The following RPA3 variants were observed in gnomAD, a reference collection of about 807,000 sequenced individuals.
RPA3 encodes replication protein A 14 kDa subunit.
In RPA3, 24 loss-of-function variants were observed where a neutral mutation model predicts 13.7. The observed-to-expected ratio is 1.75, with a 90% CI of 1.27 to 2.46. RPA3 has a LOEUF of 2.46. Ranked by LOEUF, RPA3 falls within the 30% of genes most tolerant of loss-of-function variation. The pLI is 0.00. For missense variants in RPA3, 183 were observed against 151.0 expected, an observed-to-expected ratio of 1.21 and a Z score of -1.11; for synonymous variants, 59 against 51.2, an observed-to-expected ratio of 1.15 and a Z score of -0.65.
intron 4 of RPA3, among the ~76,000 whole-genome samples, chr7:7,663,462 A>G (rs1292817199): frequency 6.6e-6 from 1 of 152,142 alleles, no homozygotes; most frequent in African/African-American, 2.4e-5. Flanking sequence ...CCTCTTCCCC[A>G]TTACACCAAT....
chr7:7,688,249 C>T lies in RPA3; in HGVS notation c.-1027-921G>A, dbSNP rs28912725. Among the ~76,000 whole-genome samples, 678 of 152,164 alleles carry T rather than the reference C, an allele frequency of 4.5e-3. 6 individuals carry two copies. Among genetic ancestry groups the T allele is most frequent in the African/African-American group, 0.016 (652 of 41,516 alleles). The stretch of plus-strand genomic sequence containing the variant: ...TGCTTTGGTTTACTAGCTCCTTGGG[C>T]TGTGATTTCTTAGGATATTTTTATC... On this transcript the variant is annotated intron_variant, in intron 2 of 7. Coordinates refer to ENST00000223129, the MANE Select transcript of RPA3 (RefSeq NM_002947.5).
At chr7:7,653,844 A>C (rs763297699) in intron 4 of RPA3, among the ~76,000 whole-genome samples, 11 of 152,194 alleles carry the variant, frequency 7.2e-5, no homozygotes, top group Non-Finnish European at 4.4e-5. Flanking sequence ...GGGGGATAGG[A>C]AGGCACTTAG....
At chr7:7,646,027 G>T (rs1785086085) in intron 4 of RPA3, among the ~76,000 whole-genome samples, 1 of 152,176 alleles carries the variant, frequency 6.6e-6, no homozygotes, top group Non-Finnish European at 1.5e-5. Flanking sequence ...GTGAGCAGGT[G>T]CAGGAGTTGG....
chr7:7,663,863 T>G (rs1338664197), intron 4 of RPA3, among the ~76,000 whole-genome samples: 1 of 152,192 alleles, frequency 6.6e-6, no homozygotes, highest in Non-Finnish European at 1.5e-5. Flanking sequence ...TCCTACAGAT[T>G]TATAAAATAG....
At chr7:7,707,005 T>C (rs1255136664) in intron 2 of RPA3, among the ~76,000 whole-genome samples, 1 of 152,180 alleles carries the variant, frequency 6.6e-6, no homozygotes, top group Non-Finnish European at 1.5e-5. Context: ...TCAAAACATT[T>C]TTAGTCAGTC....
intron 4 of RPA3, among the ~76,000 whole-genome samples, chr7:7,662,593 C>G (rs571402967): frequency 1.5e-4 from 23 of 152,280 alleles, no homozygotes; most frequent in African/African-American, 5.3e-4. Context: ...CTTATGCCTC[C>G]TGGGTGAGGC....
intron 4 of RPA3, chr7:7,673,195 A>G (rs1779649712): frequency 2.7e-6 from 2 of 745,808 alleles, no homozygotes; most frequent in African/African-American, 1.7e-5. Flanking sequence ...ACATGTGGCC[A>G]TAGAATTCCT....
At chr7:7,661,156 A>G (rs1395371343) in intron 4 of RPA3, among the ~76,000 whole-genome samples, 1 of 152,082 alleles carries the variant, frequency 6.6e-6, no homozygotes, top group Non-Finnish European at 1.5e-5. Flanking sequence ...TGTGTTTTTC[A>G]GCTCCAGCAG....
intron 1 of RPA3, among the ~76,000 whole-genome samples, chr7:7,718,283 C>T (rs1379477985): frequency 1.3e-5 from 2 of 152,140 alleles, no homozygotes. Flanking sequence ...TTTATTTTAA[C>T]CATAAAACTA....
At chr7:7,707,788 A>G (rs774738562) in intron 2 of RPA3, among the ~76,000 whole-genome samples, 8 of 152,216 alleles carry the variant, frequency 5.3e-5, no homozygotes, top group Admixed American at 3.3e-4. Context: ...CAGAAATGTC[A>G]TTAACTTGAA....
chr7:7,643,513 C>A (rs1277156986), intron 4 of RPA3, among the ~76,000 whole-genome samples: 1 of 152,180 alleles, frequency 6.6e-6, no homozygotes, highest in African/African-American at 2.4e-5. Context: ...AAGTTCAAGA[C>A]CACCCTGGTC....
chr7:7,637,613 T>C lies in RPA3; in HGVS notation c.283+251A>G, dbSNP rs894531947. 1.7e-4 allele frequency among the ~76,000 whole-genome samples: 26 copies of C among 151,208 alleles called. No homozygotes were observed. In the East Asian group the frequency reaches 1.7e-3, roughly 10 times the overall value. On this transcript the variant is annotated intron_variant, in intron 7 of 7. Coordinates refer to ENST00000223129, the MANE Select transcript of RPA3 (RefSeq NM_002947.5). Reference sequence around the variant, plus strand: ...TATGTTTATGTTATGTAATTGTATGTAATACATACAATTTTGTATGTAATA... The same window carrying C: ...TATGTTTATGTTATGTAATTGTATGCAATACATACAATTTTGTATGTAATA...
chr7:7,712,659 T>C (rs951643397), intron 2 of RPA3, among the ~76,000 whole-genome samples: 5 of 152,212 alleles, frequency 3.3e-5, no homozygotes, highest in African/African-American at 1.2e-4. Flanking sequence ...ATCCTTGTGG[T>C]TTCATTTTAT....
At chr7:7,667,972 G>A (rs1247743909) in intron 4 of RPA3, among the ~76,000 whole-genome samples, 1 of 152,092 alleles carries the variant, frequency 6.6e-6, no homozygotes, top group Non-Finnish European at 1.5e-5. Context: ...CTGTCACCCA[G>A]GCTGCAGTGC....
chr7:7,710,468 G>C (rs1780726876), intron 2 of RPA3, among the ~76,000 whole-genome samples: 1 of 152,170 alleles, frequency 6.6e-6, no homozygotes, highest in African/African-American at 2.4e-5. Context: ...ACATGAATAA[G>C]TGTCATTAGC....
chr7:7,668,959 C>T (rs1779537590), intron 4 of RPA3, among the ~76,000 whole-genome samples: 1 of 152,110 alleles, frequency 6.6e-6, no homozygotes, highest in African/African-American at 2.4e-5. Context: ...CATGCCAGTC[C>T]ACCTAATGGA....
intron 4 of RPA3, among the ~76,000 whole-genome samples, chr7:7,683,964 A>C (rs1779978086): frequency 6.6e-6 from 1 of 152,172 alleles, no homozygotes; most frequent in Non-Finnish European, 1.5e-5. Context: ...TTCCCTTGGT[A>C]TCTGTGGGAA....
chr7:7,649,433 T>C (rs1404428190), intron 4 of RPA3, among the ~76,000 whole-genome samples: 1 of 152,208 alleles, frequency 6.6e-6, no homozygotes, highest in East Asian at 1.9e-4. Flanking sequence ...CATAACCTGG[T>C]TACCTTTTAT....
chr7:7,654,103 T>G lies in RPA3; in HGVS notation c.-757-12928A>C, dbSNP rs537346894. On this transcript the variant is annotated intron_variant, in intron 4 of 7. Transcript: ENST00000223129. Reference sequence around the variant, plus strand: ...TTTCTTATCACTGCTAGGCTACCCTTCTTGATTCTGAAAACCATAGGACCA... The same window carrying G: ...TTTCTTATCACTGCTAGGCTACCCTGCTTGATTCTGAAAACCATAGGACCA... Among the ~76,000 whole-genome samples the G allele has an allele frequency of 5.3e-5, 8 of 152,296 alleles. 1 individual carries two copies. Among genetic ancestry groups the G allele is most frequent in the African/African-American group, 1.9e-4 (8 of 41,562 alleles).
Sources: gnomAD v4.1 joint callset for allele counts (sites outside exome capture counted in the v4.1 genomes callset) on GRCh38, gnomAD v4.1.1 for gene constraint, MANE v1.5 for transcripts, NCBI Gene and HGNC (gene_info 2026-07-23, HGNC 2026-07-21) for gene names.